The following CNP variants were observed in gnomAD, a reference collection of about 807,000 sequenced individuals.
The protein encoded by CNP is 2',3'-cyclic nucleotide 3' phosphodiesterase.
A neutral mutation model predicts 37.9 loss-of-function variants in CNP; 8 were observed. The ratio of observed to expected loss-of-function variants is 0.21; its 90% CI spans 0.12 to 0.38. The LOEUF (loss-of-function observed/expected upper bound fraction) is 0.38. Ranked by LOEUF, CNP falls within the 10% of genes least tolerant of loss-of-function variation. CNP has a pLI of 1.00. For missense variants in CNP, 457 were observed against 551.0 expected (o/e 0.83, Z 1.71); for synonymous variants, 237 against 238.3 (o/e 0.99, Z 0.05).
Position 41,968,519 on chromosome 17 carries a change from C to T in CNP, c.455C>T (p.Thr152Met), listed in dbSNP as rs2050936678. 6.2e-7 allele frequency: 1 copy of T among 1,614,148 alleles called. No individual in the cohort carries two copies. The highest frequency in any genetic ancestry group is 8.5e-7 in the Non-Finnish European group (1 of 1,180,026). The part of the protein sequence containing the change: ...QYQVVLVEPK[T>M]AWRLDCAQLK... ...CAGGTGGTGCTGGTGGAGCCCAAGA[C>T]GGCGTGGCGGCTGGACTGTGCCCAG... The change falls in exon 2 of 4, where the codon ACG (threonine) becomes ATG (methionine). Residue 152 changes from threonine to methionine, a missense_variant. Around this residue, in one of 2 missense-constraint regions of CNP, gnomAD observed 166 missense variants for 259.3 expected, o/e 0.64. Coordinates refer to ENST00000393892, the MANE Select transcript of CNP (RefSeq NM_033133.5). This position sits in a 1 kb window ranked among gnomAD's most constrained non-coding sequence, Gnocchi z 4.8.
At position 41,977,502 on chromosome 17, in the gene CNP, G is replaced by C. The variant is rs2051121795; in HGVS notation, c.*3578G>C. On this transcript the variant is annotated 3_prime_UTR_variant, in exon 4 of 4. Coordinates refer to ENST00000393892, the MANE Select transcript of CNP (RefSeq NM_033133.5). ...ACCTGCCCCATCCCGTGCAAAACAT[G>C]CTACCTGATCCCACTCCTAGGACAT... 6 of 552,134 alleles carry C rather than the reference G, an allele frequency of 1.1e-5. No individual in the cohort carries two copies. In the South Asian group the frequency reaches 1.2e-4, roughly 11 times the overall value. 34.2% of individuals were successfully genotyped at this position (552,134 alleles called of 1,614,324 possible). A position where few individuals can be genotyped will look rare whatever the true frequency, so the allele number is the denominator to read the frequency against.
At chr17:41,969,931 A>T (rs1198417607) in intron 2 of CNP, among the ~76,000 whole-genome samples, 3 of 152,214 alleles carry the variant, frequency 2.0e-5, no homozygotes, top group Non-Finnish European at 4.4e-5. Flanking sequence ...TATATTGCAC[A>T]GAAGCAGGGA....
At position 41,977,427 on chromosome 17, in the gene CNP, G is replaced by GA; in HGVS notation, c.*3504dup. On this transcript the variant is annotated 3_prime_UTR_variant, in exon 4 of 4. Transcript: ENST00000393892. ...AGAACAGATCTCCAAAGCTTTCCTGGAGAGTCTCACTCCCCTCCTTTCCCA... is the reference window on the plus strand; with the variant it reads ...AGAACAGATCTCCAAAGCTTTCCTGGAAGAGTCTCACTCCCCTCCTTTCCCA... 9.2e-7 allele frequency: 1 copy of GA among 1,085,080 alleles called. No homozygotes were observed. The highest frequency in any genetic ancestry group is 1.4e-6 in the Non-Finnish European group (1 of 738,862). 67.2% of individuals were successfully genotyped at this position (1,085,080 alleles called of 1,614,324 possible). A position where few individuals can be genotyped will look rare whatever the true frequency, so the allele number is the denominator to read the frequency against.
chr17:41,973,514 A>T lies in CNP; in HGVS notation c.856A>T (p.Ile286Phe). The T allele has an allele frequency of 6.2e-7, 1 of 1,614,188 alleles. No homozygotes were observed. The highest frequency in any genetic ancestry group is 8.5e-7 in the Non-Finnish European group (1 of 1,180,024). ...TTACTCCAAGGCCTTCACGCTGACC[A>T]TCTCTGCCCTCTTTGTGACACCCAA... ...KSYSKAFTLT[I>F]SALFVTPKTT... Residue 286 changes from isoleucine (I) to phenylalanine (F), a missense_variant, in exon 4 of 4, where the codon ATC (isoleucine) becomes TTC (phenylalanine). Coordinates refer to ENST00000393892, the MANE Select transcript of CNP (RefSeq NM_033133.5).
rs2051021675 is a variant in CNP, at chr17:41,973,455, C to T, written c.817-20C>T. 2 of 1,600,096 alleles carry T rather than the reference C, an allele frequency of 1.2e-6. No individual in the cohort carries two copies. The highest frequency in any genetic ancestry group is 3.4e-5 in the Admixed American group (2 of 59,012). On this transcript the variant is annotated intron_variant, in intron 3 of 3. Transcript: ENST00000393892. ...AGCCTGCCATCTCTAGCTTGGGCCC[C>T]TCTTTCTCACTCTCCCCAGGTGTTA...
intron 3 of CNP, 60 bp downstream of exon 3, chr17:41,972,091 C>T: frequency 6.3e-7 from 1 of 1,592,300 alleles, no homozygotes; most frequent in South Asian, 1.1e-5. Context: ...GGGGCTGCAG[C>T]ATCTTCTGAA....
In CNP at chr17:41,976,569, C is replaced by G; in HGVS notation, c.*2645C>G. On this transcript the variant is annotated 3_prime_UTR_variant, in exon 4 of 4. Coordinates refer to ENST00000393892, the MANE Select transcript of CNP (RefSeq NM_033133.5). Reference sequence around the variant, plus strand: ...CTGCCCTCGGTCTTCGGCATTGGTTCCCTTTGCTCCACCCCACTCACAGAG... The same window carrying G: ...CTGCCCTCGGTCTTCGGCATTGGTTGCCTTTGCTCCACCCCACTCACAGAG... 1.3e-6 allele frequency: 1 copy of G among 771,848 alleles called. No individual in the cohort carries two copies. The allele number at this position is 771,848 out of a possible 1,614,324, so 47.8% of individuals were successfully genotyped here.
chr17:41,977,167 C>G lies in CNP; in HGVS notation c.*3243C>G. 3.1e-6 allele frequency: 4 copies of G among 1,282,260 alleles called. No individual in the cohort carries two copies. The highest frequency in any genetic ancestry group is 4.4e-6 in the Non-Finnish European group (4 of 912,038). The allele number at this position is 1,282,260 out of a possible 1,614,324, so 79.4% of individuals were successfully genotyped here. On this transcript the variant is annotated 3_prime_UTR_variant, in exon 4 of 4. Coordinates refer to ENST00000393892, the MANE Select transcript of CNP (RefSeq NM_033133.5). The stretch of plus-strand genomic sequence containing the variant: ...AGATGAGAATTCAGCTGCCCCCGCT[C>G]ATGGGCCCCTCTGACTCCCAAAGAG...
Position 41,968,113 on chromosome 17 carries a change from T to A in CNP, c.49T>A (p.Phe17Ile), listed in dbSNP as rs368453560. 3.1e-6 allele frequency: 5 copies of A among 1,614,056 alleles called. No homozygotes were observed. Among genetic ancestry groups the A allele is most frequent in the East Asian group, 2.2e-5 (1 of 44,892 alleles). ...RKSHTFLPKI[F>I]FRKMSSSGAK... ...AAGCCACACATTCCTGCCCAAGATCTTCTTCCGCAAGATGTCATCCTCAGG... is the reference window on the plus strand; with the variant it reads ...AAGCCACACATTCCTGCCCAAGATCATCTTCCGCAAGATGTCATCCTCAGG... Residue 17 changes from phenylalanine (F) to isoleucine (I), a missense_variant, in exon 2 of 4, where the codon TTC becomes ATC. Physicochemically the swap from Phe to Ile is conservative, Grantham distance 21. Coordinates refer to ENST00000393892, the MANE Select transcript of CNP (RefSeq NM_033133.5). This position sits in a 1 kb window ranked among gnomAD's most constrained non-coding sequence, Gnocchi z 4.8.
Position 41,977,406 on chromosome 17 carries a change from C to G in CNP, c.*3482C>G. 1.6e-6 allele frequency: 2 copies of G among 1,281,444 alleles called. No individual in the cohort carries two copies. Among genetic ancestry groups the G allele is most frequent in the Non-Finnish European group, 2.2e-6 (2 of 907,034 alleles). 79.4% of individuals were successfully genotyped at this position (1,281,444 alleles called of 1,614,324 possible). The stretch of plus-strand genomic sequence containing the variant: ...CGAAGAGAACTGATGACACTGAGAA[C>G]AGATCTCCAAAGCTTTCCTGGAGAG... On this transcript the variant is annotated 3_prime_UTR_variant, in exon 4 of 4. Coordinates refer to ENST00000393892, the MANE Select transcript of CNP (RefSeq NM_033133.5).
intron 3 of CNP, among the ~76,000 whole-genome samples, chr17:41,972,414 G>C (rs1455222344): frequency 6.6e-6 from 1 of 152,134 alleles, no homozygotes; most frequent in Non-Finnish European, 1.5e-5. Context: ...CCCCATCCCT[G>C]TCCCCAGGTC....
At chr17:41,967,447 G>C (rs1332745302) in intron 1 of CNP, 1 of 158,128 alleles carries the variant, frequency 6.3e-6, no homozygotes, top group Non-Finnish European at 1.4e-5. Flanking sequence ...GTGCTGCCCT[G>C]TTCTGGACAG....
Position 41,976,515 on chromosome 17 carries a change from G to C in CNP, c.*2591G>C. The C allele has an allele frequency of 1.9e-6, 1 of 520,360 alleles. No homozygotes were observed. Among genetic ancestry groups the C allele is most frequent in the East Asian group, 3.6e-5 (1 of 28,096 alleles). 32.2% of individuals were successfully genotyped at this position (520,360 alleles called of 1,614,324 possible). On this transcript the variant is annotated 3_prime_UTR_variant, in exon 4 of 4. Coordinates refer to ENST00000393892, the MANE Select transcript of CNP (RefSeq NM_033133.5). ...ACAGTAAAACAAAAATTCACAAGCT[G>C]CCTCCCTGTCCACCCCCGCCTCCCT...
rs1555644488 is a variant in CNP, at chr17:41,974,814, A to C, written c.*890A>C. 6.6e-6 allele frequency: 1 copy of C among 152,336 alleles called. No individual in the cohort carries two copies. Among genetic ancestry groups the C allele is most frequent in the African/African-American group, 2.4e-5 (1 of 41,422 alleles). 9.4% of individuals were successfully genotyped at this position (152,336 alleles called of 1,614,324 possible). ...GTGTGGATGGGGAGATCGGGGCCAG[A>C]GGCAGAACCCTGGTGAGGAAGCTCC... On this transcript the variant is annotated 3_prime_UTR_variant, in exon 4 of 4. Transcript: ENST00000393892.
rs371041519 is a variant in CNP at position 41,977,361 on chromosome 17, G to A, written c.*3437G>A. On this transcript the variant is annotated 3_prime_UTR_variant, in exon 4 of 4. Transcript: ENST00000393892. ...GCAAGTAACATGGAAGGGAAGAAAA[G>A]GTGAAAAATTAGAAATGTTCGAAGA... 1 of 1,535,138 alleles carries A rather than the reference G, an allele frequency of 6.5e-7. No individual in the cohort carries two copies. The highest frequency in any genetic ancestry group is 8.8e-7 in the Non-Finnish European group (1 of 1,130,096).
At position 41,968,539 on chromosome 17, in the gene CNP, G is replaced by T; in HGVS notation, c.475G>T (p.Ala159Ser). 1.2e-6 allele frequency: 2 copies of T among 1,614,138 alleles called. No individual in the cohort carries two copies. The highest frequency in any genetic ancestry group is 2.2e-5 in the South Asian group (2 of 91,080). Residue 159 changes from alanine (A) to serine (S), a missense_variant, in exon 2 of 4, where the codon GCC (alanine) becomes TCC (serine). Ala to Ser is a moderately conservative substitution (Grantham distance 99). Around this residue, in one of 2 missense-constraint regions of CNP, gnomAD observed 166 missense variants for 259.3 expected, o/e 0.64. Coordinates refer to ENST00000393892, the MANE Select transcript of CNP (RefSeq NM_033133.5). The surrounding 1 kb of genome is among the most constrained non-coding windows in gnomAD (Gnocchi z 4.8). ...EPKTAWRLDC[A>S]QLKEKNQWQL... ...CAAGACGGCGTGGCGGCTGGACTGT[G>T]CCCAGCTCAAGGAGAAGAACCAGTG...
chr17:41,974,100 C>T lies in CNP; in HGVS notation c.*176C>T, dbSNP rs563554736. On this transcript the variant is annotated 3_prime_UTR_variant, in exon 4 of 4. Coordinates refer to ENST00000393892, the MANE Select transcript of CNP (RefSeq NM_033133.5). ...CCCTCCCTTCCTGTCCGCCCTCTTC[C>T]CCTCTAATGCTCACGCTCCCAACAC... is the stretch of plus-strand genomic sequence containing the variant. 18 of 521,570 alleles carry T rather than the reference C, an allele frequency of 3.5e-5. 1 individual carries two copies. In the South Asian group the frequency reaches 8.0e-4, roughly 23 times the overall value. The allele number at this position is 521,570 out of a possible 1,614,324, so 32.3% of individuals were successfully genotyped here.
chr17:41,974,026 C>G lies in CNP; in HGVS notation c.*102C>G, dbSNP rs1555644308. ...GACATTTTTTTTTTTTTTTTTTTTA[C>G]TCAAAGTTAACCTACCTGTAACTTT... On this transcript the variant is annotated 3_prime_UTR_variant, in exon 4 of 4. Coordinates refer to ENST00000393892, the MANE Select transcript of CNP (RefSeq NM_033133.5). 2.4e-6 allele frequency: 2 copies of G among 839,762 alleles called. No individual in the cohort carries two copies. Among genetic ancestry groups the G allele is most frequent in the South Asian group, 2.8e-5 (1 of 36,084 alleles). The allele number at this position is 839,762 out of a possible 1,614,324, so 52.0% of individuals were successfully genotyped here.
At position 41,976,493 on chromosome 17, in the gene CNP, G is replaced by T; in HGVS notation, c.*2569G>T. The T allele has an allele frequency of 2.0e-6, 1 of 504,938 alleles. No individual in the cohort carries two copies. The highest frequency in any genetic ancestry group is 3.4e-6 in the Non-Finnish European group (1 of 291,494). The allele number at this position is 504,938 out of a possible 1,614,324, so 31.3% of individuals were successfully genotyped here. On this transcript the variant is annotated 3_prime_UTR_variant, in exon 4 of 4. Transcript: ENST00000393892. ...TTTTCTTTTTTAATAAAGTTAAACAGTAAAACAAAAATTCACAAGCTGCCT... is the reference window on the plus strand; with the variant it reads ...TTTTCTTTTTTAATAAAGTTAAACATTAAAACAAAAATTCACAAGCTGCCT...
Sources: gnomAD v4.1 joint callset for allele counts (sites outside exome capture counted in the v4.1 genomes callset) on GRCh38, gnomAD v4.1.1 for gene constraint, gnomAD v4.1.1 regional missense constraint, Gnocchi (gnomAD v3.1) non-coding constraint, MANE v1.5 for transcripts, NCBI Gene and HGNC (gene_info 2026-07-23, HGNC 2026-07-21) for gene names.